The following ZNF804B variants were observed in gnomAD, a reference collection of about 807,000 sequenced individuals.
ZNF804B encodes zinc finger protein 804B.
Under a neutral mutation model 101.4 loss-of-function variants are expected in ZNF804B, and 80 were observed. The ratio of observed to expected loss-of-function variants is 0.79; its 90% CI spans 0.66 to 0.95. ZNF804B has a LOEUF of 0.95. Among genes scored for constraint, ZNF804B ranks in the 40% least tolerant of loss-of-function variants. ZNF804B has a pLI of 0.00. For synonymous variants in ZNF804B, 622 were observed against 558.8 expected (o/e 1.11, Z -1.59); for missense variants, 1,673 against 1,561.9 (o/e 1.07, Z -1.20).
rs1791045361 is a variant in ZNF804B at position 89,334,627 on chromosome 7, C to A, written c.1645C>A (p.Gln549Lys). ...MIANPDWEKF[Q>K]RKYNLDYSDS... ...AGCTAATCCGGATTGGGAAAAATTC[C>A]AGAGGAAATATAATTTGGACTACAG... The change falls in exon 4 of 4, where the codon CAG (glutamine) becomes AAG (lysine). Residue 549 changes from glutamine to lysine, a missense_variant. Transcript: ENST00000333190. 1.2e-6 allele frequency: 2 copies of A among 1,613,682 alleles called. No homozygotes were observed. Among genetic ancestry groups the A allele is most frequent in the Non-Finnish European group, 1.7e-6 (2 of 1,179,808 alleles).
chr7:89,124,326 A>C (rs1210159079), intron 1 of ZNF804B, among the ~76,000 whole-genome samples: 1 of 152,268 alleles, frequency 6.6e-6, no homozygotes, highest in Non-Finnish European at 1.5e-5. Flanking sequence ...ACTCTATCCT[A>C]CGCAGAAGAG....
intron 1 of ZNF804B, among the ~76,000 whole-genome samples, chr7:88,897,378 C>T (rs918362855): frequency 1.3e-5 from 2 of 152,128 alleles, no homozygotes; most frequent in Non-Finnish European, 2.9e-5. Flanking sequence ...GGCTCAAATG[C>T]AGGCATGTGG....
intron 1 of ZNF804B, among the ~76,000 whole-genome samples, chr7:89,080,470 G>C (rs538733858): frequency 6.6e-6 from 1 of 151,868 alleles, no homozygotes; most frequent in Non-Finnish European, 1.5e-5. Flanking sequence ...TAATACTTCC[G>C]TTCTGAGAGC....
At chr7:89,086,397 A>G (rs1234856774) in intron 1 of ZNF804B, among the ~76,000 whole-genome samples, 1 of 151,980 alleles carries the variant, frequency 6.6e-6, no homozygotes, top group Non-Finnish European at 1.5e-5. Context: ...ACAAATGCAT[A>G]TCTTTAATCA....
chr7:88,891,424 T>G (rs1792212352), intron 1 of ZNF804B, among the ~76,000 whole-genome samples: 1 of 152,094 alleles, frequency 6.6e-6, no homozygotes, highest in Non-Finnish European at 1.5e-5. Context: ...TTATATAATT[T>G]TCTACCCTAT....
At chr7:88,821,848 G>A (rs1218720510) in intron 1 of ZNF804B, among the ~76,000 whole-genome samples, 1 of 152,060 alleles carries the variant, frequency 6.6e-6, no homozygotes, top group Non-Finnish European at 1.5e-5. Flanking sequence ...ACTGATTTTA[G>A]TTCATTGCAA....
At chr7:88,988,290 A>C (rs139355935) in intron 1 of ZNF804B, among the ~76,000 whole-genome samples, 56 of 152,168 alleles carry the variant, frequency 3.7e-4, no homozygotes, top group African/African-American at 1.3e-3. Flanking sequence ...GTAGTAAAAA[A>C]AGTCACTAAG....
chr7:89,171,350 TTCTTCTTCC>T (rs1562904552), intron 1 of ZNF804B, among the ~76,000 whole-genome samples: 1,884 of 112,606 alleles, frequency 0.017, 48 homozygotes, highest in Middle Eastern at 0.05. Context: ...CTTCTTCTTC[TTCTTCTTCC>T]TCCTCTTCCT....
chr7:88,849,749 C>T (rs1429469360), intron 1 of ZNF804B, among the ~76,000 whole-genome samples: 1 of 150,692 alleles, frequency 6.6e-6, no homozygotes, highest in African/African-American at 2.4e-5. Context: ...TTAAGCTTGT[C>T]TTTAGTGTTT....
At chr7:89,276,655 A>G (rs923628784) in intron 2 of ZNF804B, among the ~76,000 whole-genome samples, 3 of 151,906 alleles carry the variant, frequency 2.0e-5, no homozygotes, top group African/African-American at 7.3e-5. Flanking sequence ...AATTCAGTAA[A>G]TGTAATTGAG....
intron 1 of ZNF804B, among the ~76,000 whole-genome samples, chr7:89,106,180 G>A (rs1402186465): frequency 6.6e-6 from 1 of 152,058 alleles, no homozygotes; most frequent in Non-Finnish European, 1.5e-5. Flanking sequence ...AGCATCTATG[G>A]GTACTCAAGA....
intron 1 of ZNF804B, among the ~76,000 whole-genome samples, chr7:88,843,476 G>A (rs150049756): frequency 0.013 from 1,962 of 152,134 alleles, 62 homozygotes; most frequent in African/African-American, 0.044. Flanking sequence ...GGTAGCTCAC[G>A]CCTGTAATCC....
At chr7:88,993,369 A>G (rs1022161455) in intron 1 of ZNF804B, among the ~76,000 whole-genome samples, 18 of 152,056 alleles carry the variant, frequency 1.2e-4, no homozygotes, top group Non-Finnish European at 4.4e-5. Context: ...CTTGAGGAGC[A>G]GAATAATGTT....
At chr7:88,776,662 A>C (rs1418197061) in intron 1 of ZNF804B, among the ~76,000 whole-genome samples, 1 of 147,584 alleles carries the variant, frequency 6.8e-6, no homozygotes, top group Non-Finnish European at 1.5e-5. Context: ...CTTTTCTATA[A>C]GGCTAGATAT....
chr7:89,095,789 C>T (rs930224806), intron 1 of ZNF804B, among the ~76,000 whole-genome samples: 1 of 152,070 alleles, frequency 6.6e-6, no homozygotes, highest in African/African-American at 2.4e-5. Flanking sequence ...AAAATAGATA[C>T]AAAAATATTT....
At chr7:89,323,830 G>A (rs564677239) in intron 2 of ZNF804B, among the ~76,000 whole-genome samples, 4 of 152,046 alleles carry the variant, frequency 2.6e-5, no homozygotes, top group South Asian at 2.1e-4. Flanking sequence ...AATAAGAGCT[G>A]ATTCATTACA....
At chr7:88,935,964 C>T (rs571063065) in intron 1 of ZNF804B, among the ~76,000 whole-genome samples, 60 of 148,678 alleles carry the variant, frequency 4.0e-4, no homozygotes, top group East Asian at 1.2e-3. Flanking sequence ...TTCTGTTTTC[C>T]GATTTTTCTT....
At chr7:88,932,926 A>C (rs1165625558) in intron 1 of ZNF804B, among the ~76,000 whole-genome samples, 1 of 151,774 alleles carries the variant, frequency 6.6e-6, no homozygotes, top group Non-Finnish European at 1.5e-5. Flanking sequence ...TAAAGAGGGA[A>C]TCCTCCCTAA....
intron 1 of ZNF804B, among the ~76,000 whole-genome samples, chr7:88,904,964 G>T (rs1792446189): frequency 6.6e-6 from 1 of 152,142 alleles, no homozygotes; most frequent in South Asian, 2.1e-4. Flanking sequence ...TACTGCTCTG[G>T]CAAGGACTTG....
Sources: gnomAD v4.1 joint callset for allele counts (sites outside exome capture counted in the v4.1 genomes callset) on GRCh38, gnomAD v4.1.1 for gene constraint, MANE v1.5 for transcripts, NCBI Gene and HGNC (gene_info 2026-07-23, HGNC 2026-07-21) for gene names.